The following PSMB9 variants were observed in gnomAD, a reference collection of about 807,000 sequenced individuals.
PSMB9 encodes the protein proteasome subunit beta type-9.
PSMB9 carries 16 observed loss-of-function variants against 26.9 expected under a neutral mutation model. The observed-to-expected ratio is 0.59, with a 90% confidence interval of 0.40 to 0.90. The LOEUF is 0.90. PSMB9 is among the 40% of genes least tolerant of loss of function. The pLI, the probability that PSMB9 is intolerant of heterozygous loss-of-function variation, is 0.00. For synonymous variants in PSMB9, 91 were observed against 112.0 expected (o/e 0.81, Z 1.18); for missense variants, 253 against 292.2 (o/e 0.87, Z 0.98).
rs551310703 is a variant in PSMB9, at chr6:32,858,563, G to A, written c.532+58G>A. The A allele has an allele frequency of 3.9e-4, 624 of 1,608,704 alleles. 8 individuals are homozygous for A. The South Asian group carries it at 6.5e-3, about 17-fold the overall frequency. ...GGCTTTGAAACATGGGAAGGAAGTA[G>A]ATTATGAGGAACAGGAAGAGAAATA... is the stretch of plus-strand genomic sequence containing the variant. On this transcript the variant is annotated intron_variant, in intron 5 of 5. Coordinates refer to ENST00000374859, the MANE Select transcript of PSMB9 (RefSeq NM_002800.5). The surrounding 1 kb of genome is among the most constrained non-coding windows in gnomAD (Gnocchi z 5.2).
In PSMB9 at chr6:32,859,712, G is replaced by A. The variant is rs141148538; in HGVS notation, c.*180G>A. 3,888 of 670,962 alleles carry A rather than the reference G, an allele frequency of 5.8e-3. 26 individuals carry two copies. The highest frequency in any genetic ancestry group is 8.6e-3 in the South Asian group (354 of 41,156). 41.6% of individuals were successfully genotyped at this position (670,962 alleles called of 1,614,324 possible). A position where few individuals can be genotyped will look rare whatever the true frequency, so the allele number is the denominator to read the frequency against. ...CCAGGTCTAAAACATCTTTCCTAGA[G>A]AAAACAAAAGGGACTAAACTAGAAA... is the stretch of plus-strand genomic sequence containing the variant. On this transcript the variant is annotated 3_prime_UTR_variant, in exon 6 of 6. Coordinates refer to ENST00000374859, the MANE Select transcript of PSMB9 (RefSeq NM_002800.5).
chr6:32,854,246 C>T lies in PSMB9; in HGVS notation c.17C>T (p.Ala6Val). The change falls in exon 1 of 6, where the codon GCA (alanine) becomes GTA (valine). Residue 6 changes from alanine to valine, a missense_variant. Ala to Val is a moderately conservative substitution (Grantham distance 64, BLOSUM62 0). Transcript: ENST00000374859. This position sits in a 1 kb window ranked among gnomAD's most constrained non-coding sequence, Gnocchi z 4.6. The part of the protein sequence containing the change: MLRAG[A>V]PTGDLPRAGE... ...CTTGCAGGGATGCTGCGGGCGGGAG[C>T]ACCAACCGGGGACTTACCCCGGGCG... 1 of 1,540,084 alleles carries T rather than the reference C, an allele frequency of 6.5e-7. No homozygotes were observed. Among genetic ancestry groups the T allele is most frequent in the African/African-American group, 1.4e-5 (1 of 72,316 alleles).
intron 2 of PSMB9, chr6:32,856,510 G>T: frequency 3.1e-6 from 1 of 318,166 alleles, no homozygotes; most frequent in Non-Finnish European, 5.8e-6. Context: ...CTGTGCTTAG[G>T]GATCAAAAAG....
chr6:32,859,223 G>A (rs946588058), intron 5 of PSMB9, among the ~76,000 whole-genome samples, 182 bp from the exon 6 acceptor site: 3 of 152,184 alleles, frequency 2.0e-5, no homozygotes, highest in African/African-American at 7.2e-5. Flanking sequence ...ATCAGCAGAT[G>A]CCACATATGG....
At chr6:32,856,445 G>T in intron 2 of PSMB9, 1 of 464,196 alleles carries the variant, frequency 2.2e-6, no homozygotes. Flanking sequence ...GATGAGTAAA[G>T]GAATAGGGTC....
intron 1 of PSMB9, 27 bp from the exon 2 acceptor site, chr6:32,856,111 G>A: frequency 1.2e-6 from 2 of 1,604,730 alleles, no homozygotes; most frequent in Non-Finnish European, 8.5e-7. Context: ...TTCTTGCCCT[G>A]ACATTCCATA....
intron 1 of PSMB9, among the ~76,000 whole-genome samples, chr6:32,855,550 A>G (rs1273881683): frequency 6.6e-6 from 1 of 152,040 alleles, no homozygotes; most frequent in African/African-American, 2.4e-5. Flanking sequence ...ATTTTCAACC[A>G]TCTGTATGTG....
Position 32,859,611 on chromosome 6 carries a change from T to C in PSMB9, c.*79T>C. Reference sequence around the variant, plus strand: ...CCTGGTATGGTCATTGGGAAATGAGTGCTCAGGGAGATGGAGCTTAGGGGA... The same window carrying C: ...CCTGGTATGGTCATTGGGAAATGAGCGCTCAGGGAGATGGAGCTTAGGGGA... On this transcript the variant is annotated 3_prime_UTR_variant, in exon 6 of 6. Coordinates refer to ENST00000374859, the MANE Select transcript of PSMB9 (RefSeq NM_002800.5). The C allele has an allele frequency of 6.6e-7, 1 of 1,523,094 alleles. No homozygotes were observed. The highest frequency in any genetic ancestry group is 8.9e-7 in the Non-Finnish European group (1 of 1,117,718). 94.3% of individuals were successfully genotyped at this position (1,523,094 alleles called of 1,614,324 possible).
At position 32,856,178 on chromosome 6, in the gene PSMB9, T is replaced by C; in HGVS notation, c.101T>C (p.Met34Thr). The C allele has an allele frequency of 6.2e-7, 1 of 1,613,016 alleles. No individual in the cohort carries two copies. Among genetic ancestry groups the C allele is most frequent in the Non-Finnish European group, 8.5e-7 (1 of 1,179,982 alleles). The change falls in exon 2 of 6, where the codon ATG (methionine) becomes ACG (threonine). Residue 34 changes from methionine to threonine, a missense_variant. By Grantham distance (81) the Met-to-Thr change is moderately conservative. Coordinates refer to ENST00000374859, the MANE Select transcript of PSMB9 (RefSeq NM_002800.5). Reference sequence around the variant, plus strand: ...GTGGAGTTTGACGGGGGCGTTGTGATGGGTTCTGATTCCCGAGTGTCTGCA... The same window carrying C: ...GTGGAGTTTGACGGGGGCGTTGTGACGGGTTCTGATTCCCGAGTGTCTGCA... ...MAVEFDGGVVMGSDSRVSAGE... is the reference protein window; with the variant it reads ...MAVEFDGGVVTGSDSRVSAGE...
rs763172748 is a variant in PSMB9, at chr6:32,858,435, C to G, written c.462C>G (p.Ile154Met). The change falls in exon 5 of 6, where the codon ATC becomes ATG. Residue 154 changes from isoleucine to methionine, a missense_variant. Transcript: ENST00000374859. This position sits in a 1 kb window ranked among gnomAD's most constrained non-coding sequence, Gnocchi z 5.2. ...TTGGTGGCTCCGGCAGCACCTTTAT[C>G]TATGGTTATGTGGATGCAGCATATA... Reference protein sequence around the residue: ...FAIGGSGSTFIYGYVDAAYKP... With the variant: ...FAIGGSGSTFMYGYVDAAYKP... 2 of 1,612,922 alleles carry G rather than the reference C, an allele frequency of 1.2e-6. No individual in the cohort carries two copies. The highest frequency in any genetic ancestry group is 1.3e-5 in the African/African-American group (1 of 74,916).
chr6:32,857,475 A>T, intron 3 of PSMB9, 81 bp downstream of exon 3: 1 of 1,447,542 alleles, frequency 6.9e-7, no homozygotes, highest in South Asian at 1.4e-5. Flanking sequence ...GTGCTGTTCC[A>T]GGAGCTGGAC....
Position 32,859,731 on chromosome 6 carries a change from C to A in PSMB9, c.*199C>A. On this transcript the variant is annotated 3_prime_UTR_variant, in exon 6 of 6. Transcript: ENST00000374859. ...CCTAGAGAAAACAAAAGGGACTAAA[C>A]TAGAAATATAAAGAGCCCTATACAT... 1.7e-6 allele frequency: 1 copy of A among 591,590 alleles called. No individual in the cohort carries two copies. The highest frequency in any genetic ancestry group is 2.8e-6 in the Non-Finnish European group (1 of 353,930). The allele number at this position is 591,590 out of a possible 1,614,324, so 36.6% of individuals were successfully genotyped here.
chr6:32,857,431 G>T, intron 3 of PSMB9, 37 bp downstream of exon 3: 1 of 1,599,952 alleles, frequency 6.3e-7, no homozygotes. Flanking sequence ...CCACCCACTA[G>T]AGCTCCCCCA....
In PSMB9 at chr6:32,854,353, GGAAGCGCGCGCGGA is replaced by G. The variant is rs1159267883; in HGVS notation, c.60+69_60+82del. 1 of 1,408,394 alleles carries G rather than the reference GGAAGCGCGCGCGGA, an allele frequency of 7.1e-7. No individual in the cohort carries two copies. Among genetic ancestry groups the G allele is most frequent in the Non-Finnish European group, 9.3e-7 (1 of 1,072,736 alleles). 87.2% of individuals were successfully genotyped at this position (1,408,394 alleles called of 1,614,324 possible). A position where few individuals can be genotyped will look rare whatever the true frequency, so the allele number is the denominator to read the frequency against. ...GGAGATGCAGCGGCCAGGGGACCCT[GGAAGCGCGCGCGGA>G]GAAGTGAATGCAGAGACCAACGGGA... is the stretch of plus-strand genomic sequence containing the variant. On this transcript the variant is annotated intron_variant, in intron 1 of 5. Coordinates refer to ENST00000374859, the MANE Select transcript of PSMB9 (RefSeq NM_002800.5). The surrounding 1 kb of genome is among the most constrained non-coding windows in gnomAD (Gnocchi z 4.6).
Position 32,854,418 on chromosome 6 carries a change from C to T in PSMB9, c.60+129C>T, listed in dbSNP as rs1327724984. The T allele has an allele frequency of 4.9e-6, 4 of 824,574 alleles. No individual in the cohort carries two copies. The highest frequency in any genetic ancestry group is 2.6e-4 in the Middle Eastern group (1 of 3,856). The allele number at this position is 824,574 out of a possible 1,614,324, so 51.1% of individuals were successfully genotyped here. On this transcript the variant is annotated intron_variant, in intron 1 of 5. Coordinates refer to ENST00000374859, the MANE Select transcript of PSMB9 (RefSeq NM_002800.5). The surrounding 1 kb of genome is among the most constrained non-coding windows in gnomAD (Gnocchi z 4.6). ...GCGCAGGGAGGTCGCCTGTAGCAGC[C>T]AGCGCTTGCAACCCGCAATGAGCAT...
chr6:32,854,277 AG>A lies in PSMB9; in HGVS notation c.49del (p.Val17SerfsTer17). ...PTGDLPRAGE[V>X]HTGTTIMAVE... is the part of the protein sequence containing the mutation. ...CCGGGGACTTACCCCGGGCGGGAGA[AG>A]TCCACACCGGGGTAATGGGTCTGGG... On this transcript the variant is annotated frameshift_variant, in exon 1 of 6. Coordinates refer to ENST00000374859, the MANE Select transcript of PSMB9 (RefSeq NM_002800.5). LOFTEE classifies it high-confidence loss of function. This position sits in a 1 kb window ranked among gnomAD's most constrained non-coding sequence, Gnocchi z 4.6. 1 of 1,517,080 alleles carries A rather than the reference AG, an allele frequency of 6.6e-7. No individual in the cohort carries two copies. The highest frequency in any genetic ancestry group is 8.8e-7 in the Non-Finnish European group (1 of 1,134,976). The allele number at this position is 1,517,080 out of a possible 1,614,324, so 94.0% of individuals were successfully genotyped here. A position where few individuals can be genotyped will look rare whatever the true frequency, so the allele number is the denominator to read the frequency against.
intron 5 of PSMB9, 62 bp from the exon 6 acceptor site, chr6:32,859,343 A>G: frequency 6.5e-7 from 1 of 1,529,566 alleles, no homozygotes. Context: ...AGGGGGAGTA[A>G]AAAGATTTTT....
Position 32,854,354 on chromosome 6 carries a change from G to A in PSMB9, c.60+65G>A. ...GAGATGCAGCGGCCAGGGGACCCTG[G>A]AAGCGCGCGCGGAGAAGTGAATGCA... is the stretch of plus-strand genomic sequence containing the variant. On this transcript the variant is annotated intron_variant, in intron 1 of 5. Transcript: ENST00000374859. This position sits in a 1 kb window ranked among gnomAD's most constrained non-coding sequence, Gnocchi z 4.6. 1.4e-6 allele frequency: 2 copies of A among 1,408,462 alleles called. No individual in the cohort carries two copies. Among genetic ancestry groups the A allele is most frequent in the South Asian group, 1.5e-5 (1 of 66,184 alleles). The allele number at this position is 1,408,462 out of a possible 1,614,324, so 87.2% of individuals were successfully genotyped here.
Position 32,859,622 on chromosome 6 carries a change from A to T in PSMB9, c.*90A>T. 1 of 1,488,558 alleles carries T rather than the reference A, an allele frequency of 6.7e-7. No individual in the cohort carries two copies. Among genetic ancestry groups the T allele is most frequent in the Non-Finnish European group, 9.1e-7 (1 of 1,093,856 alleles). 92.2% of individuals were successfully genotyped at this position (1,488,558 alleles called of 1,614,324 possible). On this transcript the variant is annotated 3_prime_UTR_variant, in exon 6 of 6. Transcript: ENST00000374859. ...CATTGGGAAATGAGTGCTCAGGGAGATGGAGCTTAGGGGAGGTGGGTGCTT... is the reference window on the plus strand; with the variant it reads ...CATTGGGAAATGAGTGCTCAGGGAGTTGGAGCTTAGGGGAGGTGGGTGCTT...
Sources: allele counts gnomAD v4.1 joint callset (sites outside exome capture counted in the v4.1 genomes callset), GRCh38; gene constraint gnomAD v4.1.1; non-coding constraint Gnocchi (gnomAD v3.1); transcripts MANE v1.5; gene names NCBI Gene and HGNC (gene_info 2026-07-23, HGNC 2026-07-21).